Variants in CLOCK observed in about 807,000 individuals in gnomAD.
The protein encoded by CLOCK is clock circadian regulator, also known as circadian locomoter output cycles protein kaput.
In CLOCK, 43 loss-of-function variants were observed where a neutral mutation model predicts 118.4. That is an observed-to-expected ratio of 0.36 (90% CI 0.28 to 0.47). CLOCK has a LOEUF of 0.47. Ranked by LOEUF, CLOCK falls within the 20% of genes least tolerant of loss-of-function variation. The pLI is 1.00. For synonymous variants in CLOCK, 326 were observed against 339.2 expected (o/e 0.96, Z 0.43); for missense variants, 846 against 999.9 (o/e 0.85, Z 2.08).
intron 4 of CLOCK, among the ~76,000 whole-genome samples, chr4:55,481,896 A>G (rs1464778548): frequency 6.6e-6 from 1 of 152,222 alleles, no homozygotes; most frequent in Non-Finnish European, 1.5e-5. Context: ...GTTAAATAAC[A>G]TGTAAAAAAG....
chr4:55,482,665 CAT>C, intron 4 of CLOCK, 72 bp downstream of exon 4: 1 of 1,002,926 alleles, frequency 1.0e-6, no homozygotes, highest in East Asian at 2.7e-5. Flanking sequence ...CTATCAATTT[CAT>C]ATAGACCATT....
intron 6 of CLOCK, 64 bp from the exon 7 acceptor site, chr4:55,476,118 A>G: frequency 9.7e-7 from 1 of 1,026,262 alleles, no homozygotes; most frequent in South Asian, 1.3e-5. Flanking sequence ...AAGCCCTACA[A>G]GTTATCTTGT....
intron 19 of CLOCK, 106 bp from the exon 20 acceptor site, chr4:55,444,002 T>A (rs949865968): frequency 2.2e-6 from 2 of 916,472 alleles, no homozygotes; most frequent in Non-Finnish European, 3.4e-6. Context: ...AAAAAGCAAG[T>A]AACAAGGCTA....
intron 9 of CLOCK, among the ~76,000 whole-genome samples, chr4:55,462,116 G>C (rs1246985989): frequency 6.6e-6 from 1 of 152,178 alleles, no homozygotes; most frequent in Non-Finnish European, 1.5e-5. Context: ...ATTTAATTAA[G>C]ACTTTTCTTA....
rs56157186 is a variant in CLOCK, at chr4:55,445,582, C to CTTTT, written c.1540-801_1540-798dup. The stretch of plus-strand genomic sequence containing the variant: ...TCTCTGCATCTGCTATTTCTATATT[C>CTTTT]TTTTTTTTTTTTTTTTTTTTTTTTT... On this transcript the variant is annotated intron_variant, in intron 18 of 22. Transcript: ENST00000513440. Among the ~76,000 whole-genome samples, 39 of 68,592 alleles carry CTTTT rather than the reference C, an allele frequency of 5.7e-4. 6 individuals carry two copies. The highest frequency in any genetic ancestry group is 1.2e-3 in the African/African-American group (22 of 18,616). 45.0% of individuals were successfully genotyped at this position (68,592 alleles called of 152,430 possible). A position where few individuals can be genotyped will look rare whatever the true frequency, so the allele number is the denominator to read the frequency against.
Position 55,435,592 on chromosome 4 carries a change from A to G in CLOCK, c.2364T>C (p.Thr788=). The stretch of plus-strand genomic sequence containing the variant: ...AGGGATTCCCATGGAGCAACCTAGA[A>G]GTCTAAAAAACAAATGGATTATGCA... ...LTQPPQQFLQ[T]SRLLHGNPST... is the part of the protein sequence containing the mutation. The change falls in exon 23 of 23, where the codon ACT becomes ACC. Residue 788 remains threonine, a splice_region_variant and synonymous_variant. Coordinates refer to ENST00000513440, the MANE Select transcript of CLOCK (RefSeq NM_004898.4). 1 of 1,613,826 alleles carries G rather than the reference A, an allele frequency of 6.2e-7. No individual in the cohort carries two copies. The highest frequency in any genetic ancestry group is 8.5e-7 in the Non-Finnish European group (1 of 1,179,824).
chr4:55,460,676 C>G (rs1194847587), intron 9 of CLOCK, among the ~76,000 whole-genome samples: 1 of 152,180 alleles, frequency 6.6e-6, no homozygotes, highest in African/African-American at 2.4e-5. Flanking sequence ...GTCTATTACT[C>G]TTAGACTTGT....
At chr4:55,530,451 G>GT (rs1730462107) in intron 1 of CLOCK, among the ~76,000 whole-genome samples, 2 of 152,196 alleles carry the variant, frequency 1.3e-5, no homozygotes, top group African/African-American at 2.4e-5. Flanking sequence ...TATTTACATT[G>GT]TAAGTACTCT....
At chr4:55,447,724 T>A (rs1381094078) in intron 18 of CLOCK, among the ~76,000 whole-genome samples, 2 of 152,186 alleles carry the variant, frequency 1.3e-5, no homozygotes, top group Non-Finnish European at 2.9e-5. Flanking sequence ...GTATCTCCTA[T>A]CATATATGTA....
chr4:55,523,748 C>T (rs1560476769), intron 1 of CLOCK, among the ~76,000 whole-genome samples: 1 of 151,946 alleles, frequency 6.6e-6, no homozygotes, highest in Non-Finnish European at 1.5e-5. Context: ...TAATACATAC[C>T]TCTAATTTCA....
chr4:55,478,971 A>C lies in CLOCK; in HGVS notation c.108-8T>G, dbSNP rs750988343. The C allele has an allele frequency of 1.3e-6, 2 of 1,575,148 alleles. No individual in the cohort carries two copies. ...GATTTGTTTCTAGATACTCTGATGAAATGAAAAATATGCATTTTTTAAACA... is the reference window on the plus strand; with the variant it reads ...GATTTGTTTCTAGATACTCTGATGACATGAAAAATATGCATTTTTTAAACA... On this transcript the variant is annotated splice_region_variant and splice_polypyrimidine_tract_variant and intron_variant, in intron 5 of 22. Transcript: ENST00000513440.
At chr4:55,503,492 A>G (rs375677943) in intron 2 of CLOCK, among the ~76,000 whole-genome samples, 56 of 152,194 alleles carry the variant, frequency 3.7e-4, no homozygotes, top group African/African-American at 1.3e-3. Context: ...AAAATGTCCT[A>G]TATCTTATTC....
At chr4:55,454,420 C>T (rs142496632) in intron 13 of CLOCK, among the ~76,000 whole-genome samples, 2 of 151,638 alleles carry the variant, frequency 1.3e-5, no homozygotes, top group Non-Finnish European at 2.9e-5. Flanking sequence ...TTTGAGACCA[C>T]CCTGGCTCAC....
At chr4:55,542,890 A>G (rs1026215993) in intron 1 of CLOCK, among the ~76,000 whole-genome samples, 3 of 152,158 alleles carry the variant, frequency 2.0e-5, no homozygotes, top group African/African-American at 7.2e-5. Flanking sequence ...TCAAAAGCCA[A>G]AGAAAACCCT....
At chr4:55,453,227 T>C in intron 14 of CLOCK, 98 bp from the exon 15 acceptor site, 1 of 972,806 alleles carries the variant, frequency 1.0e-6, no homozygotes, top group Non-Finnish European at 1.6e-6. Flanking sequence ...TCTCATCTGT[T>C]CATCTAGACT....
At chr4:55,540,954 T>G (rs940844686) in intron 1 of CLOCK, 2 of 152,148 alleles carry the variant, frequency 1.3e-5, no homozygotes, top group African/African-American at 4.8e-5. Flanking sequence ...TTCTGAAAAA[T>G]GAAAAGCAAA....
intron 3 of CLOCK, among the ~76,000 whole-genome samples, chr4:55,488,589 T>C (rs1727466154): frequency 6.6e-6 from 1 of 152,232 alleles, no homozygotes; most frequent in Admixed American, 6.5e-5. Context: ...ATTGTCTTTC[T>C]TGTTCTCACT....
intron 3 of CLOCK, among the ~76,000 whole-genome samples, chr4:55,488,946 T>C (rs867991145): frequency 6.6e-6 from 1 of 152,118 alleles, no homozygotes; most frequent in African/African-American, 2.4e-5. Flanking sequence ...TTGCCCAGGC[T>C]GGTATCAAAC....
chr4:55,518,634 T>C (rs1356209820), intron 1 of CLOCK, among the ~76,000 whole-genome samples: 20 of 152,174 alleles, frequency 1.3e-4, no homozygotes, highest in Admixed American at 1.2e-3. Flanking sequence ...ATGAGATCAG[T>C]GCCCTTATAA....
Sources: gnomAD v4.1 joint callset for allele counts (sites outside exome capture counted in the v4.1 genomes callset) on GRCh38, gnomAD v4.1.1 for gene constraint, MANE v1.5 for transcripts, NCBI Gene and HGNC (gene_info 2026-07-23, HGNC 2026-07-21) for gene names.